Variants in SUCLG2 observed in about 807,000 individuals in gnomAD.
SUCLG2 encodes succinate--CoA ligase [GDP-forming] subunit beta, mitochondrial.
SUCLG2 carries 42 observed loss-of-function variants against 47.9 expected under a neutral mutation model. The observed-to-expected ratio is 0.88, with a 90% CI of 0.69 to 1.14. SUCLG2 has a LOEUF of 1.14. Ranked by LOEUF, SUCLG2 falls within the 50% of genes most tolerant of loss-of-function variation. SUCLG2 has a pLI of 0.00. For synonymous variants in SUCLG2, 195 were observed against 197.3 expected, an observed-to-expected ratio of 0.99 and a Z score of 0.10; for missense variants, 571 against 525.9, an observed-to-expected ratio of 1.09 and a Z score of -0.84.
chr3:67,409,003 G>T (rs1221333064), intron 9 of SUCLG2: 2 of 1,535,360 alleles, frequency 1.3e-6, no homozygotes, highest in Non-Finnish European at 1.7e-6. Flanking sequence ...GTATTCTGGT[G>T]CCCAAGTATT....
intron 7 of SUCLG2, among the ~76,000 whole-genome samples, chr3:67,503,143 G>A (rs144605277): frequency 1.1e-4 from 16 of 152,194 alleles, no homozygotes; most frequent in African/African-American, 2.9e-4. Flanking sequence ...TGTATGGCCC[G>A]CAAACCCCCA....
At chr3:67,387,815 A>T (rs1702292958) in intron 10 of SUCLG2, among the ~76,000 whole-genome samples, 1 of 152,202 alleles carries the variant, frequency 6.6e-6, no homozygotes, top group Admixed American at 6.5e-5. Flanking sequence ...TCTTTTAACT[A>T]AATGTACTTC....
At position 67,541,773 on chromosome 3, in the gene SUCLG2, C is replaced by T. The variant is rs144503970; in HGVS notation, c.227-12587G>A. Among the ~76,000 whole-genome samples, 1,112 of 152,056 alleles carry T rather than the reference C, an allele frequency of 7.3e-3. 9 individuals carry two copies. Among genetic ancestry groups the T allele is most frequent in the African/African-American group, 0.025 (1,054 of 41,494 alleles). ...GTTAAGGGCAGCCAGAGAGAAAAGT[C>T]GGGTTACCCACAAAGAGAAGCCCAT... On this transcript the variant is annotated intron_variant, in intron 2 of 10. Transcript: ENST00000307227.
At chr3:67,520,454 T>G (rs573663178) in intron 5 of SUCLG2, 28 bp downstream of exon 5, 1 of 1,613,576 alleles carries the variant, frequency 6.2e-7, no homozygotes, top group African/African-American at 1.3e-5. Flanking sequence ...AATCAATTAA[T>G]AGCAGGTAGC....
intron 10 of SUCLG2, among the ~76,000 whole-genome samples, chr3:67,394,785 A>G (rs11919874): frequency 0.24 from 36,395 of 150,796 alleles, 4,902 homozygotes; most frequent in African/African-American, 0.37. Flanking sequence ...AGGTCGGGTT[A>G]CCCACAAAGG....
chr3:67,472,013 T>C (rs1272490854), intron 9 of SUCLG2, among the ~76,000 whole-genome samples: 1 of 152,212 alleles, frequency 6.6e-6, no homozygotes, highest in African/African-American at 2.4e-5. Flanking sequence ...ACAATTATTT[T>C]CATAAAATTA....
chr3:67,455,979 G>GT lies in SUCLG2; in HGVS notation c.1062+39818dup, dbSNP rs1704175508. Among the ~76,000 whole-genome samples the GT allele has an allele frequency of 9.2e-5, 14 of 152,330 alleles. 1 individual carries two copies. In the South Asian group the frequency reaches 2.9e-3, roughly 32 times the overall value. ...ATATTTAATTCTACCACTGGAAGTA[G>GT]TAAGACCTCAATCAGGGGTGATTCA... On this transcript the variant is annotated intron_variant, in intron 9 of 10. Transcript: ENST00000307227.
intron 9 of SUCLG2, among the ~76,000 whole-genome samples, chr3:67,449,754 C>T (rs904562907): frequency 1.2e-4 from 19 of 152,030 alleles, no homozygotes; most frequent in African/African-American, 4.3e-4. Context: ...GCTGGGACTA[C>T]AGGTGTGTGC....
chr3:67,510,098 A>G (rs1479292226), intron 6 of SUCLG2, among the ~76,000 whole-genome samples: 5 of 152,178 alleles, frequency 3.3e-5, no homozygotes, highest in Admixed American at 3.3e-4. Flanking sequence ...CAGTAACACC[A>G]CTGCCTCATT....
intron 9 of SUCLG2, among the ~76,000 whole-genome samples, chr3:67,405,880 C>A (rs190697037): frequency 6.6e-6 from 1 of 152,150 alleles, no homozygotes; most frequent in Non-Finnish European, 1.5e-5. Flanking sequence ...TATGTACTAA[C>A]GCATTTAACA....
chr3:67,613,933 C>A (rs1464100278), intron 1 of SUCLG2, among the ~76,000 whole-genome samples: 1 of 152,168 alleles, frequency 6.6e-6, no homozygotes, highest in Non-Finnish European at 1.5e-5. Context: ...ATAGGACTTT[C>A]ACGAAATGCT....
intron 2 of SUCLG2, among the ~76,000 whole-genome samples, chr3:67,552,550 A>G (rs1007476742): frequency 1.3e-5 from 2 of 152,238 alleles, no homozygotes; most frequent in African/African-American, 4.8e-5. Context: ...ATGGATGTCT[A>G]TAACATAGGA....
intron 5 of SUCLG2, among the ~76,000 whole-genome samples, chr3:67,520,003 T>C (rs1706050696): frequency 6.6e-6 from 1 of 152,162 alleles, no homozygotes; most frequent in Non-Finnish European, 1.5e-5. Context: ...AAAAAACTGA[T>C]AGAATCTAGA....
At chr3:67,362,231 A>G (rs912339833) in intron 10 of SUCLG2, among the ~76,000 whole-genome samples, 1 of 152,156 alleles carries the variant, frequency 6.6e-6, no homozygotes, top group African/African-American at 2.4e-5. Context: ...ATTTAAGAGA[A>G]CTTTTCATGT....
chr3:67,548,979 A>G (rs773174172), intron 2 of SUCLG2, among the ~76,000 whole-genome samples: 10 of 152,180 alleles, frequency 6.6e-5, no homozygotes, highest in Admixed American at 1.3e-4. Context: ...TATGCAAAAT[A>G]CTGAGTTCAA....
intron 9 of SUCLG2, among the ~76,000 whole-genome samples, chr3:67,425,604 T>C (rs188802199): frequency 6.6e-6 from 1 of 152,202 alleles, no homozygotes; most frequent in African/African-American, 2.4e-5. Context: ...TTGCCATCCC[T>C]GGTTCCCAGG....
In SUCLG2 at chr3:67,520,525, T is replaced by G. The variant is rs781757897; in HGVS notation, c.527A>C (p.Asp176Ala). The G allele has an allele frequency of 5.1e-5, 82 of 1,614,060 alleles. No individual in the cohort carries two copies. Among genetic ancestry groups the G allele is most frequent in the Non-Finnish European group, 6.8e-5 (80 of 1,180,004 alleles). Reference protein sequence around the residue: ...VLVGSPQGGVDIEEVAASNPE... With the variant: ...VLVGSPQGGVAIEEVAASNPE... Reference sequence around the variant, plus strand: ...GTTTGAAGCAGCCACCTCTTCAATGTCGACGCCCCCCTGGGGGCTGCCCAC... The same window carrying G: ...GTTTGAAGCAGCCACCTCTTCAATGGCGACGCCCCCCTGGGGGCTGCCCAC... The change falls in exon 5 of 11, where the codon GAC (aspartate) becomes GCC (alanine). Residue 176 changes from aspartate (D) to alanine (A), a missense_variant. By Grantham distance (126) the Asp-to-Ala change is moderately radical. Transcript: ENST00000307227.
At chr3:67,625,634 A>C (rs1467052451) in intron 1 of SUCLG2, among the ~76,000 whole-genome samples, 2 of 152,158 alleles carry the variant, frequency 1.3e-5, no homozygotes, top group African/African-American at 2.4e-5. Flanking sequence ...GCCTCTGAAA[A>C]CACTAGACAT....
chr3:67,503,034 C>T (rs1024796073), intron 7 of SUCLG2, among the ~76,000 whole-genome samples: 3 of 152,092 alleles, frequency 2.0e-5, no homozygotes, highest in African/African-American at 7.2e-5. Context: ...TCAAGCCAGC[C>T]CTATTTTTAT....
Sources: allele counts gnomAD v4.1 joint callset (sites outside exome capture counted in the v4.1 genomes callset), GRCh38; gene constraint gnomAD v4.1.1; transcripts MANE v1.5; gene names NCBI Gene and HGNC (gene_info 2026-07-23, HGNC 2026-07-21).